SCN3A: variants seen among roughly 807,000 people sequenced by gnomAD.
SCN3A encodes sodium channel protein type 3 subunit alpha.
Under a neutral mutation model 187.6 loss-of-function variants are expected in SCN3A, and 60 were observed. The observed-to-expected ratio is 0.32, with a 90% CI of 0.26 to 0.40. The LOEUF (loss-of-function observed/expected upper bound fraction) is 0.40, where lower values mean the gene tolerates loss of function less well. Among genes scored for constraint, SCN3A ranks in the 10% least tolerant of loss-of-function variants. SCN3A has a pLI of 1.00. For missense variants in SCN3A, 1,601 were observed against 2,428.2 expected (o/e 0.66, Z 7.16); for synonymous variants, 788 against 829.2 (o/e 0.95, Z 0.85).
At chr2:165,133,820 A>G (rs1419355063) in intron 15 of SCN3A, among the ~76,000 whole-genome samples, 1 of 152,176 alleles carries the variant, frequency 6.6e-6, no homozygotes, top group East Asian at 1.9e-4. Context: ...TTGGTACACT[A>G]CATTTCTAAC....
At chr2:165,155,360 C>CTCCCTT (rs1012805372) in intron 10 of SCN3A, among the ~76,000 whole-genome samples, 5 of 151,946 alleles carry the variant, frequency 3.3e-5, no homozygotes, top group African/African-American at 9.7e-5. Flanking sequence ...ATTCCCTTCT[C>CTCCCTT]TCCCTTTCCC....
intron 18 of SCN3A, among the ~76,000 whole-genome samples, chr2:165,126,579 C>T (rs1687006697): frequency 2.5e-5 from 3 of 119,908 alleles, no homozygotes; most frequent in Admixed American, 8.5e-5. Flanking sequence ...TTCCTTCCTC[C>T]CTCCCTCCCT....
At chr2:165,150,299 T>C (rs1688618046) in intron 11 of SCN3A, among the ~76,000 whole-genome samples, 2 of 152,178 alleles carry the variant, frequency 1.3e-5, no homozygotes, top group South Asian at 4.1e-4. Flanking sequence ...ATGAAGTCAT[T>C]GGCTAGATAG....
chr2:165,098,752 C>G (rs1685473082), intron 22 of SCN3A, among the ~76,000 whole-genome samples: 1 of 152,174 alleles, frequency 6.6e-6, no homozygotes, highest in South Asian at 2.1e-4. Flanking sequence ...AATACATTAT[C>G]ATAATTTGCA....
intron 15 of SCN3A, among the ~76,000 whole-genome samples, chr2:165,137,431 A>C (rs1022111096): frequency 1.3e-5 from 2 of 152,258 alleles, no homozygotes; most frequent in Middle Eastern, 3.4e-3. Flanking sequence ...TTGTATGATT[A>C]TCACTGAAGC....
intron 16 of SCN3A, 30 bp from the exon 17 acceptor site, chr2:165,130,326 A>G (rs764200806): frequency 1.9e-6 from 3 of 1,599,736 alleles, no homozygotes; most frequent in Non-Finnish European, 2.6e-6. Context: ...TGCTGTTAGT[A>G]GTAATCATAA....
chr2:165,152,433 C>A (rs1688739890), intron 11 of SCN3A, among the ~76,000 whole-genome samples: 1 of 152,160 alleles, frequency 6.6e-6, no homozygotes, highest in East Asian at 1.9e-4. Flanking sequence ...AGATAATTGA[C>A]TTGAAGACAG....
chr2:165,114,470 C>G (rs1686263896), intron 19 of SCN3A, among the ~76,000 whole-genome samples: 1 of 152,222 alleles, frequency 6.6e-6, no homozygotes, highest in Non-Finnish European at 1.5e-5. Flanking sequence ...ACACCTATGA[C>G]TCAGCTCGTC....
chr2:165,094,984 ACT>A (rs1163665684), intron 25 of SCN3A, among the ~76,000 whole-genome samples: 4 of 152,246 alleles, frequency 2.6e-5, no homozygotes, highest in African/African-American at 9.6e-5. Context: ...GAATTCAGAG[ACT>A]CAGAGACAAG....
At chr2:165,119,373 C>A (rs1159231626) in intron 18 of SCN3A, among the ~76,000 whole-genome samples, 1 of 152,100 alleles carries the variant, frequency 6.6e-6, no homozygotes, top group Non-Finnish European at 1.5e-5. Context: ...AATTGTGAAT[C>A]ACCTTCTTAT....
intron 1 of SCN3A, among the ~76,000 whole-genome samples, chr2:165,191,060 GT>G (rs58901959): frequency 0.14 from 16,020 of 113,434 alleles, 990 homozygotes; most frequent in South Asian, 0.23. Context: ...ATTTTACGTT[GT>G]TTTTTTTTTT....
chr2:165,130,396 T>A, intron 16 of SCN3A, 100 bp from the exon 17 acceptor site: 1 of 1,260,884 alleles, frequency 7.9e-7, no homozygotes, highest in Non-Finnish European at 1.1e-6. Context: ...GTGGTAGATG[T>A]AAAAACTCAA....
At chr2:165,135,582 T>C (rs2105792494) in intron 15 of SCN3A, among the ~76,000 whole-genome samples, 1 of 152,248 alleles carries the variant, frequency 6.6e-6, no homozygotes, top group African/African-American at 2.4e-5. Flanking sequence ...TTAGCACCAA[T>C]GATAGAAATT....
chr2:165,114,918 TTAAC>T (rs1258151926), intron 19 of SCN3A, among the ~76,000 whole-genome samples: 3 of 152,202 alleles, frequency 2.0e-5, no homozygotes, highest in Admixed American at 6.5e-5. Flanking sequence ...TCAGATCATT[TTAAC>T]TGTCCAGGAA....
Position 165,162,676 on chromosome 2 carries a change from T to C in SCN3A, c.847A>G (p.Ser283Gly), listed in dbSNP as rs369051978. 7.4e-6 allele frequency: 12 copies of C among 1,614,074 alleles called. No individual in the cohort carries two copies. The Middle Eastern group carries it at 4.9e-4, about 66-fold the overall frequency. The change falls in exon 8 of 28, where the codon AGC becomes GGC. Residue 283 changes from serine to glycine, a missense_variant. Ser to Gly is a moderately conservative substitution (Grantham distance 56). Around this residue, in one of 11 missense-constraint regions of SCN3A, gnomAD observed 104 missense variants for 102.7 expected, o/e 1.01. Transcript: ENST00000283254. ...GTGTTGGTTTCAAAAGCAGAATCGC[T>C]TGGGGGCCACTGCAAACATTTATTC... is the stretch of plus-strand genomic sequence containing the variant. ...LRNKCLQWPP[S>G]DSAFETNTTS...
intron 1 of SCN3A, among the ~76,000 whole-genome samples, chr2:165,193,471 C>T (rs1300892811): frequency 3.9e-5 from 6 of 152,102 alleles, no homozygotes; most frequent in African/African-American, 9.7e-5. Context: ...ATAAAGCAAA[C>T]AGCATTCTCT....
intron 1 of SCN3A, among the ~76,000 whole-genome samples, chr2:165,202,637 A>G (rs1009572573): frequency 6.6e-6 from 1 of 152,062 alleles, no homozygotes; most frequent in East Asian, 1.9e-4. Context: ...ATATTTTTCA[A>G]CATATCATTA....
At chr2:165,169,782 T>A (rs886753688) in intron 4 of SCN3A, among the ~76,000 whole-genome samples, 53 of 151,932 alleles carry the variant, frequency 3.5e-4, no homozygotes, top group African/African-American at 1.3e-3. Context: ...TTATCATTAC[T>A]TGAGAATTTT....
At position 165,118,220 on chromosome 2, in the gene SCN3A, TCTC is replaced by T. The variant is rs80166581; in HGVS notation, c.3394-2648_3394-2646del. ...AGGGACAGTGATCACAGTTCACCTC[TCTC>T]CTCCTGGCATTATGAGGCACAACAT... On this transcript the variant is annotated intron_variant, in intron 18 of 27. Transcript: ENST00000283254. Among the ~76,000 whole-genome samples, 3,729 of 152,262 alleles carry T rather than the reference TCTC, an allele frequency of 0.024. 425 individuals are homozygous for T. In the East Asian group the frequency reaches 0.38, roughly 15 times the overall value.
Sources: allele counts gnomAD v4.1 joint callset (sites outside exome capture counted in the v4.1 genomes callset), GRCh38; gene constraint gnomAD v4.1.1; regional missense constraint gnomAD v4.1.1; transcripts MANE v1.5; gene names NCBI Gene and HGNC (gene_info 2026-07-23, HGNC 2026-07-21).